Variants in FAM8A1 observed in about 807,000 individuals in gnomAD.
FAM8A1 encodes the protein protein FAM8A1.
A neutral mutation model predicts 38.3 loss-of-function variants in FAM8A1; 18 were observed. The ratio of observed to expected loss-of-function variants is 0.47; its 90% CI spans 0.33 to 0.70. The LOEUF (loss-of-function observed/expected upper bound fraction) is 0.70, where lower values mean the gene tolerates loss of function less well. Among genes scored for constraint, FAM8A1 ranks in the 30% least tolerant of loss-of-function variants. FAM8A1 has a pLI of 0.03. For missense variants in FAM8A1, 559 were observed against 559.6 expected (o/e 1.00, Z 0.01); for synonymous variants, 246 against 234.4 (o/e 1.05, Z -0.45).
Position 17,602,700 on chromosome 6 carries a change from A to T in FAM8A1, c.823A>T (p.Ser275Cys), listed in dbSNP as rs1025812367. 2 of 1,603,400 alleles carry T rather than the reference A, an allele frequency of 1.2e-6. No homozygotes were observed. The highest frequency in any genetic ancestry group is 2.7e-5 in the African/African-American group (2 of 74,308). The change falls in exon 2 of 5, where the codon AGT becomes TGT. Residue 275 changes from serine to cysteine, a missense_variant. Coordinates refer to ENST00000259963, the MANE Select transcript of FAM8A1 (RefSeq NM_016255.3). ...CATTGTCTTAAGCATTATGCACCTC[A>T]GTGGGATAAAGTAAGTTGAGGACAT... ...ATIVLSIMHL[S>C]GIKDISKFAM...
chr6:17,600,554 G>T lies in FAM8A1; in HGVS notation c.145G>T (p.Ala49Ser). ...CGACGACCCCCAGGCCGAACCCCAGGCCCCGGGCCGGCCCACAGCCCCGGG... is the reference window on the plus strand; with the variant it reads ...CGACGACCCCCAGGCCGAACCCCAGTCCCCGGGCCGGCCCACAGCCCCGGG... ...PRDDPQAEPQAPGRPTAPGLA... is the reference protein window; with the variant it reads ...PRDDPQAEPQSPGRPTAPGLA... The change falls in exon 1 of 5, where the codon GCC becomes TCC. Residue 49 changes from alanine (A) to serine (S), a missense_variant. Physicochemically the swap from Ala to Ser is moderately conservative, Grantham distance 99. Around this residue, in one of 2 missense-constraint regions of FAM8A1, gnomAD observed 393 missense variants for 338.9 expected, o/e 1.16. Transcript: ENST00000259963. 1 of 1,502,786 alleles carries T rather than the reference G, an allele frequency of 6.7e-7. No homozygotes were observed. The highest frequency in any genetic ancestry group is 8.9e-7 in the Non-Finnish European group (1 of 1,129,836). 93.1% of individuals were successfully genotyped at this position (1,502,786 alleles called of 1,614,324 possible).
chr6:17,600,493 G>C lies in FAM8A1; in HGVS notation c.84G>C (p.Leu28=). 1.3e-6 allele frequency: 2 copies of C among 1,533,252 alleles called. No individual in the cohort carries two copies. Among genetic ancestry groups the C allele is most frequent in the Non-Finnish European group, 1.7e-6 (2 of 1,144,580 alleles). The allele number at this position is 1,533,252 out of a possible 1,614,324, so 95.0% of individuals were successfully genotyped here. Residue 28 remains leucine (L), a synonymous_variant, in exon 1 of 5, where the codon CTG becomes CTC. Transcript: ENST00000259963. ...GGGDHEPVPS[L]RGPPTTAVPC... ...GGGACCACGAGCCCGTCCCTTCCCT[G>C]AGAGGCCCTCCTACCACCGCCGTCC...
rs62395966 is a variant in FAM8A1, at chr6:17,602,721, G to A, written c.833+11G>A. ...CCTCAGTGGGATAAAGTAAGTTGAG[G>A]ACATTTGCAGAAGGGTTTTAATTTC... On this transcript the variant is annotated intron_variant, in intron 2 of 4. Coordinates refer to ENST00000259963, the MANE Select transcript of FAM8A1 (RefSeq NM_016255.3). The A allele has an allele frequency of 1.9e-6, 3 of 1,548,250 alleles. No individual in the cohort carries two copies. In the South Asian group the frequency reaches 3.6e-5, roughly 19 times the overall value.
Position 17,603,352 on chromosome 6 carries a change from T to C in FAM8A1, c.833+642T>C, listed in dbSNP as rs150633603. On this transcript the variant is annotated intron_variant, in intron 2 of 4. Coordinates refer to ENST00000259963, the MANE Select transcript of FAM8A1 (RefSeq NM_016255.3). ...CCACCATTTTATAGAGTTTGAAATT[T>C]GGGTTTATGAAAAGTTGAGCACAGA... Among the ~76,000 whole-genome samples the C allele has an allele frequency of 9.1e-4, 138 of 152,332 alleles. 3 individuals are homozygous for C. The East Asian group carries it at 0.016, about 17-fold the overall frequency.
At chr6:17,603,423 G>A (rs1764012454) in intron 2 of FAM8A1, among the ~76,000 whole-genome samples, 1 of 152,194 alleles carries the variant, frequency 6.6e-6, no homozygotes, top group Admixed American at 6.5e-5. Flanking sequence ...CAAGATACAA[G>A]CCTGTGCAGT....
At chr6:17,604,322 C>A (rs1478422227) in intron 2 of FAM8A1, among the ~76,000 whole-genome samples, 2 of 152,190 alleles carry the variant, frequency 1.3e-5, no homozygotes, top group Non-Finnish European at 2.9e-5. Context: ...GTGCATACCA[C>A]CACACCCTGC....
intron 4 of FAM8A1, among the ~76,000 whole-genome samples, chr6:17,607,235 G>C (rs1764065387): frequency 6.8e-6 from 1 of 147,408 alleles, no homozygotes; most frequent in East Asian, 2.0e-4. Context: ...CTCCAACCTG[G>C]GCGACAGAGC....
chr6:17,605,006 A>G lies in FAM8A1; in HGVS notation c.934A>G (p.Arg312Gly), dbSNP rs776352915. 3.5e-5 allele frequency: 57 copies of G among 1,609,378 alleles called. No homozygotes were observed. The highest frequency in any genetic ancestry group is 8.5e-7 in the Non-Finnish European group (1 of 1,177,976). ...AATGATGGTTGTGGCACTTATATAC[A>G]GATTATTAGTTTGTTTCTATGAGGT... ...QKMMVVALIY[R>G]LLVCFYEIIC... is the part of the protein sequence containing the mutation. Residue 312 changes from arginine (R) to glycine (G), a missense_variant, in exon 3 of 5, where the codon AGA becomes GGA. Coordinates refer to ENST00000259963, the MANE Select transcript of FAM8A1 (RefSeq NM_016255.3).
rs1763964984 is a variant in FAM8A1, at chr6:17,600,507, C to G, written c.98C>G (p.Thr33Ser). 2 of 1,534,602 alleles carry G rather than the reference C, an allele frequency of 1.3e-6. No individual in the cohort carries two copies. Among genetic ancestry groups the G allele is most frequent in the South Asian group, 2.5e-5 (2 of 81,430 alleles). Residue 33 changes from threonine to serine, a missense_variant, in exon 1 of 5, where the codon ACC (threonine) becomes AGC (serine). Transcript: ENST00000259963. ...EPVPSLRGPPTTAVPCPRDDP... is the reference protein window; with the variant it reads ...EPVPSLRGPPSTAVPCPRDDP... ...GTCCCTTCCCTGAGAGGCCCTCCTACCACCGCCGTCCCATGCCCCCGCGAC... is the reference window on the plus strand; with the variant it reads ...GTCCCTTCCCTGAGAGGCCCTCCTAGCACCGCCGTCCCATGCCCCCGCGAC...
intron 2 of FAM8A1, among the ~76,000 whole-genome samples, chr6:17,603,600 CAG>C (rs1405972465): frequency 3.3e-5 from 5 of 152,176 alleles, no homozygotes; most frequent in African/African-American, 7.2e-5. Flanking sequence ...TTTTTTGAGA[CAG>C]AGTCTTGCTC....
At position 17,609,428 on chromosome 6, in the gene FAM8A1, C is replaced by T. The variant is rs1398766068; in HGVS notation, c.*1089C>T. On this transcript the variant is annotated 3_prime_UTR_variant, in exon 5 of 5. Coordinates refer to ENST00000259963, the MANE Select transcript of FAM8A1 (RefSeq NM_016255.3). ...AGCTTGCGAAATATTAGCAATTTTC[C>T]CATTATGGACTATTCTCTCTAAAGC... The T allele has an allele frequency of 1.3e-5, 2 of 152,056 alleles. No homozygotes were observed. Among genetic ancestry groups the T allele is most frequent in the South Asian group, 2.1e-4 (1 of 4,816 alleles). 9.4% of individuals were successfully genotyped at this position (152,056 alleles called of 1,614,324 possible). A position where few individuals can be genotyped will look rare whatever the true frequency, so the allele number is the denominator to read the frequency against.
intron 3 of FAM8A1, among the ~76,000 whole-genome samples, chr6:17,605,442 T>C (rs761020930): frequency 2.7e-5 from 4 of 150,940 alleles, no homozygotes; most frequent in Non-Finnish European, 5.9e-5. Context: ...TAATTATTCA[T>C]GTCTTTTCCA....
rs1225434389 is a variant in FAM8A1 at position 17,604,933 on chromosome 6, TA to T, written c.862del (p.Ile288Ter). The T allele has an allele frequency of 6.2e-7, 1 of 1,602,684 alleles. No individual in the cohort carries two copies. The highest frequency in any genetic ancestry group is 8.5e-7 in the Non-Finnish European group (1 of 1,172,370). ...ATATCTCTAAGTTTGCTATGCATTA[TA>T]TAATAGAAGAAATAGATGAAGACAC... is the stretch of plus-strand genomic sequence containing the variant. ...KDISKFAMHY[I>X]IEEIDEDTSM... On this transcript the variant is annotated frameshift_variant, in exon 3 of 5. Coordinates refer to ENST00000259963, the MANE Select transcript of FAM8A1 (RefSeq NM_016255.3). LOFTEE classifies it high-confidence loss of function.
intron 2 of FAM8A1, 111 bp from the exon 3 acceptor site, chr6:17,604,795 G>C: frequency 1.2e-6 from 1 of 810,146 alleles, no homozygotes; most frequent in Non-Finnish European, 1.9e-6. Flanking sequence ...GGAATCTAAA[G>C]ATTAGTTTAG....
At chr6:17,604,859 G>T in intron 2 of FAM8A1, 47 bp from the exon 3 acceptor site, 1 of 1,493,816 alleles carries the variant, frequency 6.7e-7, no homozygotes. Context: ...CAGTGCTACT[G>T]TTCTGGTAAC....
In FAM8A1 at chr6:17,605,879, T is replaced by C. The variant is rs1168061146; in HGVS notation, c.963T>C (p.Ile321=). ...AATCATCCTTCTTTCCTTAGATAAT[T>C]TGCATTTGGGGAGCAGGTGGAGCTA... The part of the protein sequence containing the change: ...YRLLVCFYEI[I]CIWGAGGATP... The change falls in exon 4 of 5, where the codon ATT becomes ATC. Residue 321 remains isoleucine, a synonymous_variant. Coordinates refer to ENST00000259963, the MANE Select transcript of FAM8A1 (RefSeq NM_016255.3). 6.6e-7 allele frequency: 1 copy of C among 1,511,622 alleles called. No homozygotes were observed. Among genetic ancestry groups the C allele is most frequent in the East Asian group, 2.4e-5 (1 of 42,070 alleles). 93.6% of individuals were successfully genotyped at this position (1,511,622 alleles called of 1,614,324 possible).
intron 2 of FAM8A1, 123 bp from the exon 3 acceptor site, chr6:17,604,783 T>G (rs1379552144): frequency 2.7e-6 from 2 of 735,100 alleles, no homozygotes; most frequent in African/African-American, 1.8e-5. Context: ...ACTAGATGGT[T>G]GGGAATCTAA....
In FAM8A1 at chr6:17,610,045, TG is replaced by T. The variant is rs1280045307; in HGVS notation, c.*1710del. The T allele has an allele frequency of 6.6e-6, 1 of 152,086 alleles. No homozygotes were observed. The highest frequency in any genetic ancestry group is 1.5e-5 in the Non-Finnish European group (1 of 67,952). 9.4% of individuals were successfully genotyped at this position (152,086 alleles called of 1,614,324 possible). A position where few individuals can be genotyped will look rare whatever the true frequency, so the allele number is the denominator to read the frequency against. ...TAAATAAATCATTCAGTTGCACCCA[TG>T]GGGAAGATTGTGTTACTGCCCTTCA... is the stretch of plus-strand genomic sequence containing the variant. On this transcript the variant is annotated 3_prime_UTR_variant, in exon 5 of 5. Transcript: ENST00000259963.
intron 2 of FAM8A1, among the ~76,000 whole-genome samples, chr6:17,603,458 A>G (rs1249219405): frequency 1.3e-5 from 2 of 152,108 alleles, no homozygotes; most frequent in Non-Finnish European, 2.9e-5. Flanking sequence ...CTTGCCAGAA[A>G]CCTGTTACTG....
Sources: gnomAD v4.1 joint callset for allele counts (sites outside exome capture counted in the v4.1 genomes callset) on GRCh38, gnomAD v4.1.1 for gene constraint, gnomAD v4.1.1 regional missense constraint, MANE v1.5 for transcripts, NCBI Gene and HGNC (gene_info 2026-07-23, HGNC 2026-07-21) for gene names.